The following GPR158 variants were observed in gnomAD, a reference collection of about 807,000 sequenced individuals.
GPR158 encodes the protein metabotropic glycine receptor.
Under a neutral mutation model 78.2 loss-of-function variants are expected in GPR158, and 30 were observed. The observed-to-expected ratio is 0.38, with a 90% CI of 0.29 to 0.52. The LOEUF (loss-of-function observed/expected upper bound fraction) is 0.52. Ranked by LOEUF, GPR158 falls within the 20% of genes least tolerant of loss-of-function variation. GPR158 has a pLI of 0.83. For synonymous variants in GPR158, 581 were observed against 591.1 expected, an observed-to-expected ratio of 0.98 and a Z score of 0.25; for missense variants, 1,463 against 1,523.5, an observed-to-expected ratio of 0.96 and a Z score of 0.66.
At chr10:25,233,780 G>A (rs575765200) in intron 2 of GPR158, among the ~76,000 whole-genome samples, 1 of 152,258 alleles carries the variant, frequency 6.6e-6, no homozygotes, top group Admixed American at 6.5e-5. Context: ...TGAGTATCCC[G>A]AGGTTATACA....
At chr10:25,464,783 T>G (rs555557416) in intron 4 of GPR158, among the ~76,000 whole-genome samples, 14 of 152,374 alleles carry the variant, frequency 9.2e-5, no homozygotes, top group African/African-American at 3.1e-4. Flanking sequence ...ATTTTCATTT[T>G]TTGTGTCTTT....
chr10:25,369,068 C>T (rs1161265491), intron 2 of GPR158, among the ~76,000 whole-genome samples: 1 of 151,332 alleles, frequency 6.6e-6, no homozygotes. Context: ...AGATTTTGGG[C>T]TGAGACAATG....
Position 25,431,195 on chromosome 10 carries a change from G to A in GPR158, c.1335+18722G>A, listed in dbSNP as rs1297576341. 3.9e-4 allele frequency among the ~76,000 whole-genome samples: 28 copies of A among 71,352 alleles called. 10 individuals are homozygous for A. The highest frequency in any genetic ancestry group is 1.0e-3 in the African/African-American group (24 of 23,608). The allele number at this position is 71,352 out of a possible 152,430, so 46.8% of individuals were successfully genotyped here. ...AAAACAACCCCATCAAAAATTGGGC[G>A]AAGGACATGAACAGACAGTTCTCAA... On this transcript the variant is annotated intron_variant, in intron 4 of 10. Transcript: ENST00000376351.
chr10:25,182,271 T>G (rs1279657763), intron 1 of GPR158, among the ~76,000 whole-genome samples: 1 of 152,216 alleles, frequency 6.6e-6, no homozygotes, highest in Non-Finnish European at 1.5e-5. Flanking sequence ...ACTTCCTGAT[T>G]TACTTGGAGT....
At chr10:25,216,134 TTA>T (rs1298881314) in intron 1 of GPR158, among the ~76,000 whole-genome samples, 1 of 152,148 alleles carries the variant, frequency 6.6e-6, no homozygotes, top group African/African-American at 2.4e-5. Context: ...TAGCATAGAT[TTA>T]GAGTTTTTAT....
intron 7 of GPR158, among the ~76,000 whole-genome samples, chr10:25,582,252 G>A (rs1366304077): frequency 6.6e-6 from 1 of 152,146 alleles, no homozygotes; most frequent in Admixed American, 6.5e-5. Flanking sequence ...TGGACCCTGT[G>A]CTCTGAGAGG....
intron 2 of GPR158, among the ~76,000 whole-genome samples, chr10:25,364,546 T>A (rs1855691498): frequency 6.6e-6 from 1 of 151,906 alleles, no homozygotes; most frequent in Non-Finnish European, 1.5e-5. Flanking sequence ...TTTTGACTCT[T>A]TAATGCTAAT....
At chr10:25,476,929 G>A (rs1835595152) in intron 5 of GPR158, among the ~76,000 whole-genome samples, 1 of 152,044 alleles carries the variant, frequency 6.6e-6, no homozygotes, top group South Asian at 2.1e-4. Flanking sequence ...GAGGAGCTTG[G>A]ATGGACCATG....
chr10:25,344,193 C>T (rs1855340751), intron 2 of GPR158, among the ~76,000 whole-genome samples: 2 of 151,954 alleles, frequency 1.3e-5, no homozygotes, highest in Non-Finnish European at 2.9e-5. Context: ...AAAGAATTCA[C>T]TGGCAGTATT....
intron 5 of GPR158, among the ~76,000 whole-genome samples, chr10:25,524,810 T>C (rs1263594303): frequency 1.3e-5 from 2 of 152,190 alleles, no homozygotes; most frequent in African/African-American, 4.8e-5. Flanking sequence ...TCAAAAACTA[T>C]GTTGCAAGTT....
intron 2 of GPR158, among the ~76,000 whole-genome samples, chr10:25,334,076 G>A (rs189714731): frequency 6.6e-6 from 1 of 151,942 alleles, no homozygotes; most frequent in African/African-American, 2.4e-5. Flanking sequence ...TTATAAAAAC[G>A]CTGAAAGGAG....
intron 2 of GPR158, among the ~76,000 whole-genome samples, chr10:25,354,156 C>A (rs1855514663): frequency 6.6e-6 from 1 of 151,906 alleles, no homozygotes. Flanking sequence ...GAGTTCAACA[C>A]CAGCCTGACC....
At chr10:25,235,602 A>G (rs1853510177) in intron 2 of GPR158, among the ~76,000 whole-genome samples, 1 of 151,936 alleles carries the variant, frequency 6.6e-6, no homozygotes, top group Admixed American at 6.6e-5. Context: ...TTTTGATTCA[A>G]ACCACCCATA....
At chr10:25,258,649 C>T (rs549208911) in intron 2 of GPR158, among the ~76,000 whole-genome samples, 21 of 151,908 alleles carry the variant, frequency 1.4e-4, no homozygotes, top group African/African-American at 4.8e-4. Context: ...TTTTTCCATA[C>T]GAACCAAGGG....
intron 2 of GPR158, among the ~76,000 whole-genome samples, chr10:25,297,336 A>G (rs1219426131): frequency 6.6e-6 from 1 of 152,228 alleles, no homozygotes; most frequent in Non-Finnish European, 1.5e-5. Flanking sequence ...CATCAGTCAT[A>G]CAAGGTTTGA....
At chr10:25,537,229 TG>T (rs1836512938) in intron 5 of GPR158, among the ~76,000 whole-genome samples, 1 of 152,232 alleles carries the variant, frequency 6.6e-6, no homozygotes, top group African/African-American at 2.4e-5. Context: ...ATTATTCTAT[TG>T]AACTATCCAT....
intron 8 of GPR158, among the ~76,000 whole-genome samples, chr10:25,591,984 T>G (rs2130750368): frequency 6.6e-6 from 1 of 152,116 alleles, no homozygotes; most frequent in South Asian, 2.1e-4. Context: ...TGGCCTGAAC[T>G]TATACATGTG....
intron 2 of GPR158, among the ~76,000 whole-genome samples, chr10:25,324,880 A>C (rs113527617): frequency 0.016 from 2,137 of 136,206 alleles, 59 homozygotes; most frequent in African/African-American, 0.057. Context: ...GCTCTGTTGC[A>C]CAGGCTGGAG....
At chr10:25,535,748 C>T (rs60793599) in intron 5 of GPR158, among the ~76,000 whole-genome samples, 4,416 of 152,256 alleles carry the variant, frequency 0.029, 242 homozygotes, top group African/African-American at 0.1. Flanking sequence ...GACTCTGCTT[C>T]GACAAAGCTC....
Sources: allele counts gnomAD v4.1 joint callset (sites outside exome capture counted in the v4.1 genomes callset), GRCh38; gene constraint gnomAD v4.1.1; transcripts MANE v1.5; gene names NCBI Gene and HGNC (gene_info 2026-07-23, HGNC 2026-07-21).